Variants in ZEB1 observed in about 807,000 individuals in gnomAD.
ZEB1 encodes the protein zinc finger E-box binding homeobox 1, also known as zinc finger E-box-binding homeobox 1.
ZEB1 carries 21 observed loss-of-function variants against 84.9 expected under a neutral mutation model. That is an observed-to-expected ratio of 0.25 (90% confidence interval 0.18 to 0.36). ZEB1 has a LOEUF of 0.36. Ranked by LOEUF, ZEB1 falls within the 10% of genes least tolerant of loss-of-function variation. The pLI is 1.00. For missense variants in ZEB1, 1,104 were observed against 1,330.2 expected, an observed-to-expected ratio of 0.83 and a Z score of 2.65; for synonymous variants, 420 against 471.1, an observed-to-expected ratio of 0.89 and a Z score of 1.41.
chr10:31,452,728 TGTGTGTGTGTGTGTGA>T (rs2060722212), intron 1 of ZEB1, among the ~76,000 whole-genome samples: 1 of 123,760 alleles, frequency 8.1e-6, no homozygotes, highest in African/African-American at 3.9e-5. Flanking sequence ...TGTGTGTGTG[TGTGTGTGTGTGTGTGA>T]GAGAGAGAGA....
intron 1 of ZEB1, among the ~76,000 whole-genome samples, chr10:31,360,521 C>G (rs540766262): frequency 6.6e-6 from 1 of 152,162 alleles, no homozygotes; most frequent in South Asian, 2.1e-4. Flanking sequence ...GTCAGTATCC[C>G]TAAAATATGA....
At chr10:31,470,119 A>G (rs1331224253) in intron 2 of ZEB1, among the ~76,000 whole-genome samples, 2 of 152,228 alleles carry the variant, frequency 1.3e-5, no homozygotes, top group African/African-American at 2.4e-5. Context: ...GGGAAAAAAC[A>G]GAACAGAAAA....
intron 1 of ZEB1, among the ~76,000 whole-genome samples, chr10:31,324,711 T>A (rs1425135340): frequency 6.6e-6 from 1 of 152,034 alleles, no homozygotes; most frequent in African/African-American, 2.4e-5. Flanking sequence ...TAAAAGTCCA[T>A]TGTTGAAAGA....
At chr10:31,451,297 T>G (rs2060535962) in intron 1 of ZEB1, among the ~76,000 whole-genome samples, 1 of 152,200 alleles carries the variant, frequency 6.6e-6, no homozygotes, top group Non-Finnish European at 1.5e-5. Flanking sequence ...CCATTTGCAT[T>G]TTAATATTGA....
At chr10:31,440,652 A>G (rs2058826195) in intron 1 of ZEB1, among the ~76,000 whole-genome samples, 1 of 152,154 alleles carries the variant, frequency 6.6e-6, no homozygotes, top group African/African-American at 2.4e-5. Context: ...GTATATTTAG[A>G]AAACCCCATT....
intron 1 of ZEB1, among the ~76,000 whole-genome samples, chr10:31,350,098 G>C (rs1384825389): frequency 6.6e-6 from 1 of 152,114 alleles, no homozygotes; most frequent in Admixed American, 6.5e-5. Context: ...TTTCGTAAAT[G>C]ATGTGAGATG....
chr10:31,510,933 A>G (rs569012653), intron 5 of ZEB1, 58 bp downstream of exon 5: 14 of 1,490,148 alleles, frequency 9.4e-6, no homozygotes, highest in South Asian at 2.3e-5. Flanking sequence ...TCAGCCCTCA[A>G]TGGAAGGCAA....
At chr10:31,470,397 C>T (rs1462399541) in intron 2 of ZEB1, among the ~76,000 whole-genome samples, 3 of 147,788 alleles carry the variant, frequency 2.0e-5, no homozygotes, top group East Asian at 4.0e-4. Context: ...AACCAAGGCT[C>T]GAGAACTACG....
intron 1 of ZEB1, among the ~76,000 whole-genome samples, chr10:31,441,755 A>G (rs1441321104): frequency 2.0e-5 from 3 of 152,264 alleles, no homozygotes; most frequent in Non-Finnish European, 2.9e-5. Flanking sequence ...ATATGAACAG[A>G]CACTTCTCAA....
chr10:31,373,528 T>G (rs1363197780), intron 1 of ZEB1, among the ~76,000 whole-genome samples: 2 of 151,838 alleles, frequency 1.3e-5, no homozygotes, highest in Admixed American at 6.6e-5. Context: ...TGTACTAAAC[T>G]GAGTTTTTCT....
At chr10:31,434,495 G>C (rs1035104631) in intron 1 of ZEB1, among the ~76,000 whole-genome samples, 3 of 152,106 alleles carry the variant, frequency 2.0e-5, no homozygotes, top group African/African-American at 7.2e-5. Context: ...TTTCACAGCA[G>C]GATAACCCTT....
At chr10:31,364,088 A>G (rs1233876428) in intron 1 of ZEB1, among the ~76,000 whole-genome samples, 1 of 152,202 alleles carries the variant, frequency 6.6e-6, no homozygotes, top group East Asian at 1.9e-4. Context: ...AAGGGTCAGA[A>G]GCGGAGAGGA....
In ZEB1 at chr10:31,521,631, G is replaced by A; in HGVS notation, c.2299G>A (p.Glu767Lys). The A allele has an allele frequency of 1.2e-6, 2 of 1,614,102 alleles. No homozygotes were observed. Among genetic ancestry groups the A allele is most frequent in the Non-Finnish European group, 1.7e-6 (2 of 1,180,010 alleles). ...GAACAGTGTTTATTCTGTCCAGGAA[G>A]AACCCTTGAACTTGTCTTGCGCAAA... The part of the protein sequence containing the change: ...YQNSVYSVQE[E>K]PLNLSCAKKE... The change falls in exon 7 of 9, where the codon GAA becomes AAA. Residue 767 changes from glutamate (E) to lysine (K), a missense_variant. Physicochemically the swap from Glu to Lys is moderately conservative, Grantham distance 56. Transcript: ENST00000424869.
chr10:31,448,468 C>T (rs1217957062), intron 1 of ZEB1, among the ~76,000 whole-genome samples: 4 of 148,224 alleles, frequency 2.7e-5, no homozygotes, highest in Non-Finnish European at 4.4e-5. Context: ...AACTGCGTTC[C>T]TTTGGAGGAG....
At chr10:31,328,026 A>G (rs554367584) in intron 1 of ZEB1, among the ~76,000 whole-genome samples, 2 of 152,194 alleles carry the variant, frequency 1.3e-5, no homozygotes, top group Non-Finnish European at 2.9e-5. Context: ...ATTTAAGATG[A>G]TAATCCCCAA....
intron 1 of ZEB1, among the ~76,000 whole-genome samples, chr10:31,382,033 AAC>A: frequency 6.8e-6 from 1 of 147,278 alleles, no homozygotes; most frequent in Non-Finnish European, 1.5e-5. Context: ...AAAAAAAAAA[AAC>A]AAAGTAAATT....
intron 1 of ZEB1, among the ~76,000 whole-genome samples, chr10:31,449,288 A>C (rs1243508088): frequency 6.6e-6 from 1 of 152,176 alleles, no homozygotes; most frequent in Non-Finnish European, 1.5e-5. Context: ...CAGTGCGCGC[A>C]CCCACTGGCC....
At chr10:31,341,429 C>T (rs535636195) in intron 1 of ZEB1, among the ~76,000 whole-genome samples, 40 of 152,002 alleles carry the variant, frequency 2.6e-4, no homozygotes, top group Non-Finnish European at 4.7e-4. Flanking sequence ...CCAGGGATAG[C>T]GATGACACCA....
chr10:31,469,908 A>G (rs963332158), intron 2 of ZEB1, among the ~76,000 whole-genome samples: 3 of 152,126 alleles, frequency 2.0e-5, no homozygotes, highest in Non-Finnish European at 4.4e-5. Context: ...CCTGACCCCT[A>G]ACCCCCGAGC....
Sources: allele counts gnomAD v4.1 joint callset (sites outside exome capture counted in the v4.1 genomes callset), GRCh38; gene constraint gnomAD v4.1.1; transcripts MANE v1.5; gene names NCBI Gene and HGNC (gene_info 2026-07-23, HGNC 2026-07-21).